COL14A1: variants seen among roughly 807,000 people sequenced by gnomAD.
COL14A1 encodes collagen type XIV alpha 1 chain, also known as collagen alpha-1(XIV) chain.
Under a neutral mutation model 230.3 loss-of-function variants are expected in COL14A1, and 136 were observed. The observed-to-expected ratio is 0.59, with a 90% CI of 0.51 to 0.68. COL14A1 has a LOEUF of 0.68. Ranked by LOEUF, COL14A1 falls within the 30% of genes least tolerant of loss-of-function variation. The pLI, the probability that COL14A1 is intolerant of heterozygous loss-of-function variation, is 0.00. For synonymous variants in COL14A1, 792 were observed against 784.1 expected, an observed-to-expected ratio of 1.01 and a Z score of -0.17; for missense variants, 1,976 against 2,215.8, an observed-to-expected ratio of 0.89 and a Z score of 2.17.
chr8:120,222,420 A>C (rs1817959387), intron 14 of COL14A1, among the ~76,000 whole-genome samples: 1 of 152,248 alleles, frequency 6.6e-6, no homozygotes. Flanking sequence ...GGGCTCTGCC[A>C]TGTGGTGTCA....
At chr8:120,203,609 G>T (rs1348675243) in intron 8 of COL14A1, 100 bp from the exon 9 acceptor site, 2 of 942,800 alleles carry the variant, frequency 2.1e-6, no homozygotes, top group Admixed American at 2.4e-5. Flanking sequence ...TGCTTTGACT[G>T]CAGTGAAGAT....
chr8:120,192,843 C>T (rs951418906), intron 5 of COL14A1, among the ~76,000 whole-genome samples: 7 of 152,158 alleles, frequency 4.6e-5, no homozygotes, highest in South Asian at 2.1e-4. Flanking sequence ...CGCATTGGCT[C>T]CTGAGGCTTC....
At chr8:120,349,392 C>A (rs1402424004) in intron 45 of COL14A1, among the ~76,000 whole-genome samples, 1 of 150,610 alleles carries the variant, frequency 6.6e-6, no homozygotes, top group African/African-American at 2.5e-5. Context: ...TGGAGAATGA[C>A]TTTGACGAGC....
intron 24 of COL14A1, among the ~76,000 whole-genome samples, chr8:120,265,897 T>C (rs1819488113): frequency 6.6e-6 from 1 of 152,026 alleles, no homozygotes; most frequent in Non-Finnish European, 1.5e-5. Context: ...AACTCCCCTT[T>C]ATAAAATTCT....
At chr8:120,233,971 G>T (rs1370908715) in intron 19 of COL14A1, among the ~76,000 whole-genome samples, 1 of 152,112 alleles carries the variant, frequency 6.6e-6, no homozygotes, top group Non-Finnish European at 1.5e-5. Flanking sequence ...TTTTCCATTT[G>T]TTTGTGTCCT....
intron 2 of COL14A1, among the ~76,000 whole-genome samples, chr8:120,156,730 C>T (rs958402765): frequency 6.6e-6 from 1 of 152,134 alleles, no homozygotes; most frequent in Non-Finnish European, 1.5e-5. Context: ...TATCCATTAT[C>T]CTATTTAAAG....
At chr8:120,359,921 T>C (rs1261955242) in intron 45 of COL14A1, among the ~76,000 whole-genome samples, 1 of 152,128 alleles carries the variant, frequency 6.6e-6, no homozygotes, top group Non-Finnish European at 1.5e-5. Context: ...TTCCTACTTC[T>C]CCTCTTTCCT....
intron 5 of COL14A1, among the ~76,000 whole-genome samples, chr8:120,184,499 C>T (rs1816584559): frequency 1.3e-5 from 2 of 152,042 alleles, no homozygotes; most frequent in Non-Finnish European, 2.9e-5. Context: ...AAGTGACCTG[C>T]CCGCCTCCGC....
chr8:120,252,177 T>C (rs1296982100), intron 22 of COL14A1, among the ~76,000 whole-genome samples: 1 of 152,166 alleles, frequency 6.6e-6, no homozygotes, highest in Non-Finnish European at 1.5e-5. Context: ...ATGACATCTT[T>C]ATTTTATTTT....
chr8:120,363,684 T>C (rs1307730551), intron 45 of COL14A1, among the ~76,000 whole-genome samples: 2 of 152,226 alleles, frequency 1.3e-5, no homozygotes, highest in Non-Finnish European at 2.9e-5. Context: ...AGAGTGGCCA[T>C]GGACTGATGC....
chr8:120,309,390 A>G (rs1449663711), intron 36 of COL14A1, among the ~76,000 whole-genome samples: 1 of 152,178 alleles, frequency 6.6e-6, no homozygotes, highest in Admixed American at 6.5e-5. Flanking sequence ...AAATACACAC[A>G]TGTGTTTAGA....
At position 120,147,916 on chromosome 8, in the gene COL14A1, T is replaced by C; in HGVS notation, c.74T>C (p.Ile25Thr). ...PFLAIVYFCT[I>T]VQGQVAPPTR... is the part of the protein sequence containing the mutation. ...TTGGCAATTGTTTATTTCTGCACCA[T>C]TGTCCAAGGTCAAGGTAATTGAAAA... The change falls in exon 2 of 48, where the codon ATT (isoleucine) becomes ACT (threonine). Residue 25 changes from isoleucine to threonine, a missense_variant. Coordinates refer to ENST00000297848, the MANE Select transcript of COL14A1 (RefSeq NM_021110.4). 3 of 1,613,394 alleles carry C rather than the reference T, an allele frequency of 1.9e-6. No homozygotes were observed. Among genetic ancestry groups the C allele is most frequent in the Non-Finnish European group, 2.5e-6 (3 of 1,179,414 alleles).
chr8:120,178,887 G>T (rs1490879469), intron 5 of COL14A1, among the ~76,000 whole-genome samples: 1 of 151,352 alleles, frequency 6.6e-6, no homozygotes, highest in Non-Finnish European at 1.5e-5. Flanking sequence ...TTTCAAAAGT[G>T]TCTGTTTATA....
At chr8:120,167,883 G>T (rs1206008038) in intron 4 of COL14A1, among the ~76,000 whole-genome samples, 1 of 152,134 alleles carries the variant, frequency 6.6e-6, no homozygotes, top group Non-Finnish European at 1.5e-5. Flanking sequence ...TAATTATGCT[G>T]ATTTTACAGC....
rs1432856579 is a variant in COL14A1 at position 120,347,405 on chromosome 8, A to T, written c.5077+1842A>T. Among the ~76,000 whole-genome samples, 3 of 152,206 alleles carry T rather than the reference A, an allele frequency of 2.0e-5. No individual in the cohort carries two copies. The East Asian group carries it at 5.8e-4, about 29-fold the overall frequency. ...AGAAAGTGAGAAATGCCCTTTGAGCATGGGGAAAGGTGATTTTAGTTGATG... is the reference window on the plus strand; with the variant it reads ...AGAAAGTGAGAAATGCCCTTTGAGCTTGGGGAAAGGTGATTTTAGTTGATG... On this transcript the variant is annotated intron_variant, in intron 45 of 47. Coordinates refer to ENST00000297848, the MANE Select transcript of COL14A1 (RefSeq NM_021110.4).
chr8:120,284,965 G>A (rs1820149185), intron 32 of COL14A1, among the ~76,000 whole-genome samples: 1 of 151,948 alleles, frequency 6.6e-6, no homozygotes, highest in Non-Finnish European at 1.5e-5. Flanking sequence ...TAGGGCTTTG[G>A]ATCTCAAATT....
At chr8:120,336,172 A>T (rs75297917) in intron 42 of COL14A1, among the ~76,000 whole-genome samples, 3,872 of 152,270 alleles carry the variant, frequency 0.025, 139 homozygotes, top group African/African-American at 0.083. Context: ...ATGTTTTTAT[A>T]TAAGAAGCTG....
chr8:120,280,525 A>G (rs1171239993), intron 29 of COL14A1, among the ~76,000 whole-genome samples, 186 bp from the exon 30 acceptor site: 1 of 152,186 alleles, frequency 6.6e-6, no homozygotes, highest in Non-Finnish European at 1.5e-5. Context: ...CTTTAGTTGT[A>G]ATAAGGGACC....
At chr8:120,286,644 G>A (rs1820213372) in intron 33 of COL14A1, among the ~76,000 whole-genome samples, 1 of 152,058 alleles carries the variant, frequency 6.6e-6, no homozygotes, top group South Asian at 2.1e-4. Flanking sequence ...CGAGGAGCTG[G>A]GATTACAGGC....
Sources: gnomAD v4.1 joint callset for allele counts (sites outside exome capture counted in the v4.1 genomes callset) on GRCh38, gnomAD v4.1.1 for gene constraint, MANE v1.5 for transcripts, NCBI Gene and HGNC (gene_info 2026-07-23, HGNC 2026-07-21) for gene names.